MGAT4C: variants seen among roughly 807,000 people sequenced by gnomAD.
The protein encoded by MGAT4C is MGAT4 family member C.
A neutral mutation model predicts 40.1 loss-of-function variants in MGAT4C; 19 were observed. That is an observed-to-expected ratio of 0.47 (90% CI 0.33 to 0.70). MGAT4C has a LOEUF of 0.70. Among genes scored for constraint, MGAT4C ranks in the 30% least tolerant of loss-of-function variants. The pLI, the probability that MGAT4C is intolerant of heterozygous loss-of-function variation, is 0.02. For missense variants in MGAT4C, 491 were observed against 563.2 expected, an observed-to-expected ratio of 0.87 and a Z score of 1.30; for synonymous variants, 181 against 187.1, an observed-to-expected ratio of 0.97 and a Z score of 0.27.
chr12:86,660,772 G>T (rs1327065501), intron 2 of MGAT4C, among the ~76,000 whole-genome samples: 1 of 152,106 alleles, frequency 6.6e-6, no homozygotes, highest in African/African-American at 2.4e-5. Flanking sequence ...CCCTTATGTA[G>T]CACAGGGAGG....
At chr12:86,640,667 C>G (rs1963354202) in intron 2 of MGAT4C, among the ~76,000 whole-genome samples, 1 of 151,874 alleles carries the variant, frequency 6.6e-6, no homozygotes. Context: ...TTTGCTCTTG[C>G]TTTTCTAGTT....
chr12:86,568,565 T>TATATAC (rs1434564874), intron 2 of MGAT4C, among the ~76,000 whole-genome samples: 1 of 150,114 alleles, frequency 6.7e-6, no homozygotes, highest in Non-Finnish European at 1.5e-5. Context: ...TATATATATA[T>TATATAC]ATCCTGTTAG....
intron 2 of MGAT4C, among the ~76,000 whole-genome samples, chr12:86,437,741 C>T (rs1388436800): frequency 1.3e-5 from 2 of 151,760 alleles, no homozygotes; most frequent in African/African-American, 4.8e-5. Context: ...CAAGCTTTTC[C>T]ATTATTATTG....
At chr12:86,391,487 G>A (rs765060937) in intron 3 of MGAT4C, among the ~76,000 whole-genome samples, 20 of 152,172 alleles carry the variant, frequency 1.3e-4, no homozygotes, top group Non-Finnish European at 2.1e-4. Context: ...TAAAATGGAG[G>A]TGTGTGTGCT....
intron 3 of MGAT4C, among the ~76,000 whole-genome samples, chr12:86,381,656 G>T (rs916583352): frequency 6.6e-6 from 1 of 152,094 alleles, no homozygotes; most frequent in Non-Finnish European, 1.5e-5. Context: ...TTAGGTATTC[G>T]TTAATCCAAT....
At chr12:86,419,895 T>C (rs1361398034) in intron 3 of MGAT4C, among the ~76,000 whole-genome samples, 1 of 152,160 alleles carries the variant, frequency 6.6e-6, no homozygotes, top group Non-Finnish European at 1.5e-5. Flanking sequence ...TTGTATGTTA[T>C]GTGTTAAGTG....
At chr12:86,685,885 C>T (rs1950063248) in intron 2 of MGAT4C, among the ~76,000 whole-genome samples, 1 of 145,474 alleles carries the variant, frequency 6.9e-6, no homozygotes, top group African/African-American at 2.6e-5. Flanking sequence ...TTTTTGGAGA[C>T]AGAGTCTTGC....
At chr12:86,404,215 G>T (rs1363788671) in intron 3 of MGAT4C, among the ~76,000 whole-genome samples, 2 of 151,772 alleles carry the variant, frequency 1.3e-5, no homozygotes, top group African/African-American at 2.4e-5. Context: ...TAACGGACTT[G>T]GTGCAAGAGC....
Position 86,793,347 on chromosome 12 carries a change from G to C in MGAT4C, c.-262+45319C>G, listed in dbSNP as rs149583685. 5.6e-3 allele frequency among the ~76,000 whole-genome samples: 849 copies of C among 152,106 alleles called. 3 individuals are homozygous for C. Among genetic ancestry groups the C allele is most frequent in the Non-Finnish European group, 8.9e-3 (608 of 67,948 alleles). Reference sequence around the variant, plus strand: ...AACCAAGTGTAAATTGTAAGTGAATGCTCACTTGGTCTGACCTCTCTACTC... The same window carrying C: ...AACCAAGTGTAAATTGTAAGTGAATCCTCACTTGGTCTGACCTCTCTACTC... On this transcript the variant is annotated intron_variant, in intron 1 of 7. Transcript: ENST00000548651.
At chr12:86,450,557 G>A (rs1957408993) in intron 2 of MGAT4C, among the ~76,000 whole-genome samples, 1 of 151,858 alleles carries the variant, frequency 6.6e-6, no homozygotes, top group African/African-American at 2.4e-5. Context: ...TGCTTCTTGA[G>A]TTTTGTTAAC....
At chr12:86,702,601 T>G (rs911917941) in intron 2 of MGAT4C, among the ~76,000 whole-genome samples, 2 of 152,190 alleles carry the variant, frequency 1.3e-5, no homozygotes, top group African/African-American at 4.8e-5. Flanking sequence ...AAACAAAACC[T>G]GGATAACAGC....
chr12:86,618,664 A>G (rs1275508169), intron 2 of MGAT4C, among the ~76,000 whole-genome samples: 2 of 152,160 alleles, frequency 1.3e-5, no homozygotes. Flanking sequence ...TGGTTACCAG[A>G]GGCTGGGGAG....
intron 4 of MGAT4C, among the ~76,000 whole-genome samples, chr12:86,315,338 C>G (rs979796547): frequency 6.6e-6 from 1 of 152,130 alleles, no homozygotes. Flanking sequence ...TGGACACATA[C>G]CTCTCTCCAC....
At chr12:86,476,821 G>T (rs139335066) in intron 2 of MGAT4C, among the ~76,000 whole-genome samples, 6 of 152,228 alleles carry the variant, frequency 3.9e-5, no homozygotes, top group African/African-American at 1.4e-4. Flanking sequence ...GCAAATTAAT[G>T]CAGGAACAAG....
At chr12:86,353,032 AAAATAAAT>A (rs569679670) in intron 3 of MGAT4C, among the ~76,000 whole-genome samples, 12 of 147,374 alleles carry the variant, frequency 8.1e-5, no homozygotes, top group African/African-American at 2.2e-4. Context: ...ATAAAATAAA[AAAATAAAT>A]AAATAAATAA....
intron 1 of MGAT4C, among the ~76,000 whole-genome samples, chr12:86,835,973 G>A (rs940460183): frequency 1.3e-5 from 2 of 151,816 alleles, no homozygotes; most frequent in Non-Finnish European, 2.9e-5. Context: ...ACCATTTATT[G>A]AGCATATGCG....
chr12:86,243,056 T>C (rs1951853871), intron 1 of MGAT4C, among the ~76,000 whole-genome samples: 1 of 152,212 alleles, frequency 6.6e-6, no homozygotes, highest in African/African-American at 2.4e-5. Flanking sequence ...ACCCAACATG[T>C]ACTCTTTCCA....
At chr12:86,311,430 A>G (rs541467551) in intron 4 of MGAT4C, among the ~76,000 whole-genome samples, 1 of 151,920 alleles carries the variant, frequency 6.6e-6, no homozygotes, top group East Asian at 2.0e-4. Context: ...AGTGCATAAC[A>G]GTATTTGATT....
intron 4 of MGAT4C, among the ~76,000 whole-genome samples, chr12:86,266,245 C>T (rs898713028): frequency 6.6e-6 from 1 of 152,130 alleles, no homozygotes; most frequent in Non-Finnish European, 1.5e-5. Context: ...TTCAACTTTT[C>T]CTAATTCAGT....
Sources: allele counts gnomAD v4.1 joint callset (sites outside exome capture counted in the v4.1 genomes callset), GRCh38; gene constraint gnomAD v4.1.1; transcripts MANE v1.5; gene names NCBI Gene and HGNC (gene_info 2026-07-23, HGNC 2026-07-21).